SLC4A5: variants seen among roughly 807,000 people sequenced by gnomAD.
SLC4A5 encodes the protein electrogenic sodium bicarbonate cotransporter 4.
In SLC4A5, 96 loss-of-function variants were observed where a neutral mutation model predicts 120.4. That is an observed-to-expected ratio of 0.80 (90% CI 0.68 to 0.94). The LOEUF (loss-of-function observed/expected upper bound fraction) is 0.94, where lower values mean the gene tolerates loss of function less well. Ranked by LOEUF, SLC4A5 falls within the 40% of genes least tolerant of loss-of-function variation. SLC4A5 has a pLI of 0.00. For synonymous variants in SLC4A5, 550 were observed against 571.1 expected (o/e 0.96, Z 0.53); for missense variants, 1,259 against 1,459.5 (o/e 0.86, Z 2.24).
chr2:74,279,457 G>A (rs559560960), intron 8 of SLC4A5, among the ~76,000 whole-genome samples: 9 of 151,906 alleles, frequency 5.9e-5, no homozygotes, highest in East Asian at 3.9e-4. Context: ...AGTCTCTTTC[G>A]TGGGTTCCTC....
chr2:74,320,022 G>A (rs558318521), intron 5 of SLC4A5, among the ~76,000 whole-genome samples: 7 of 152,116 alleles, frequency 4.6e-5, no homozygotes, highest in East Asian at 3.9e-4. Context: ...AGAACTTTTC[G>A]AAATTAAAAA....
At chr2:74,342,822 TG>T (rs1673656080) in intron 1 of SLC4A5, among the ~76,000 whole-genome samples, 1 of 152,128 alleles carries the variant, frequency 6.6e-6, no homozygotes, top group Admixed American at 6.5e-5. Flanking sequence ...AAAGCTTAGT[TG>T]AAGTGTGGAT....
intron 6 of SLC4A5, chr2:74,306,753 TTC>T: frequency 8.9e-7 from 1 of 1,124,418 alleles, no homozygotes; most frequent in Non-Finnish European, 1.3e-6. Flanking sequence ...GGTGTCATTA[TTC>T]TCAGACACCA....
At chr2:74,231,349 G>C (rs763025836) in intron 24 of SLC4A5, 41 bp from the exon 25 acceptor site, 6 of 1,583,520 alleles carry the variant, frequency 3.8e-6, no homozygotes, top group African/African-American at 1.3e-5. Flanking sequence ...ACCAGGAAAT[G>C]CCTGGCAACT....
At chr2:74,233,898 A>T (rs2103920089) in intron 22 of SLC4A5, among the ~76,000 whole-genome samples, 1 of 152,356 alleles carries the variant, frequency 6.6e-6, no homozygotes, top group Non-Finnish European at 1.5e-5. Context: ...AATGAGGCCC[A>T]GCAGAAAAGA....
At chr2:74,222,698 C>T (rs570171890) in intron 29 of SLC4A5, among the ~76,000 whole-genome samples, 170 bp downstream of exon 29, 9 of 152,268 alleles carry the variant, frequency 5.9e-5, no homozygotes, top group East Asian at 3.9e-4. Flanking sequence ...CCTACTGGTC[C>T]GTGGAAAAAC....
rs1204224067 is a variant in SLC4A5 at position 74,219,205 on chromosome 2, GTGTGTGTGTGTGTGTT to G, written c.*34-429_*34-414del. Reference sequence around the variant, plus strand: ...TGTGTGTGTGTGTGTGTGTGTGTGTGTGTGTGTGTGTGTGTTTGTGTGTGTTTTCAAATGGTACTTC... The same window carrying G: ...TGTGTGTGTGTGTGTGTGTGTGTGTGTGTGTGTGTTTTCAAATGGTACTTC... On this transcript the variant is annotated intron_variant, in intron 30 of 30. Transcript: ENST00000394019. Among the ~76,000 whole-genome samples the G allele has an allele frequency of 5.3e-3, 624 of 118,172 alleles. 5 individuals are homozygous for G. The highest frequency in any genetic ancestry group is 0.028 in the African/African-American group (568 of 20,538). 77.5% of individuals were successfully genotyped at this position (118,172 alleles called of 152,430 possible).
In SLC4A5 at chr2:74,255,753, GA is replaced by G. The variant is rs1670944400; in HGVS notation, c.1025+21del. 1 of 1,613,282 alleles carries G rather than the reference GA, an allele frequency of 6.2e-7. No individual in the cohort carries two copies. The highest frequency in any genetic ancestry group is 1.3e-5 in the African/African-American group (1 of 75,028). ...ACTGGCTACCTGAGAGTGGCGTGGG[GA>G]CAGGTTTCAATGGCTCTCACCTGGT... On this transcript the variant is annotated intron_variant, in intron 13 of 30. Transcript: ENST00000394019. The surrounding 1 kb of genome is among the most constrained non-coding windows in gnomAD (Gnocchi z 4.0).
chr2:74,237,707 G>A (rs933374850), intron 21 of SLC4A5, among the ~76,000 whole-genome samples: 2 of 152,056 alleles, frequency 1.3e-5, no homozygotes, highest in Non-Finnish European at 2.9e-5. Flanking sequence ...AAATTCTTCC[G>A]AGTACCCCCC....
intron 17 of SLC4A5, among the ~76,000 whole-genome samples, chr2:74,249,066 T>G (rs1670708798): frequency 2.0e-5 from 3 of 152,214 alleles, no homozygotes; most frequent in Admixed American, 2.0e-4. Context: ...TCCTGTGTAT[T>G]GTAGTGTGTT....
intron 19 of SLC4A5, among the ~76,000 whole-genome samples, chr2:74,242,986 C>T (rs540801248): frequency 6.6e-6 from 1 of 152,252 alleles, no homozygotes; most frequent in East Asian, 1.9e-4. Context: ...TCAGCTAGGC[C>T]TGAAATAACT....
chr2:74,225,190 C>T (rs1694800709), intron 27 of SLC4A5, among the ~76,000 whole-genome samples, 195 bp from the exon 28 acceptor site: 2 of 152,174 alleles, frequency 1.3e-5, no homozygotes, highest in Non-Finnish European at 2.9e-5. Flanking sequence ...TTGTCTGGCC[C>T]CTCAGGTGAG....
chr2:74,335,431 T>C (rs1229769546), intron 3 of SLC4A5, among the ~76,000 whole-genome samples: 3 of 152,190 alleles, frequency 2.0e-5, no homozygotes, highest in Admixed American at 6.5e-5. Context: ...AAGCAAGGGC[T>C]GGCCCCTTCC....
intron 8 of SLC4A5, among the ~76,000 whole-genome samples, chr2:74,279,988 A>T (rs1010929780): frequency 2.0e-5 from 3 of 151,910 alleles, no homozygotes; most frequent in African/African-American, 7.3e-5. Context: ...CCTTTTATCC[A>T]TTCTCCACAC....
At chr2:74,229,580 A>C (rs1465001105) in intron 25 of SLC4A5, among the ~76,000 whole-genome samples, 1 of 152,078 alleles carries the variant, frequency 6.6e-6, no homozygotes, top group Non-Finnish European at 1.5e-5. Flanking sequence ...TAATGCAAAT[A>C]CTTGTATGTT....
At chr2:74,338,506 G>A (rs1321641609) in intron 3 of SLC4A5, among the ~76,000 whole-genome samples, 2 of 152,290 alleles carry the variant, frequency 1.3e-5, no homozygotes, top group South Asian at 2.1e-4. Flanking sequence ...CAGTTTGGCT[G>A]TATTTATATA....
intron 8 of SLC4A5, 26 bp from the exon 9 acceptor site, chr2:74,265,290 T>G (rs769563195): frequency 6.2e-7 from 1 of 1,609,438 alleles, no homozygotes. Flanking sequence ...TGGGGCTCAG[T>G]GTGGCCAGGG....
chr2:74,339,452 AG>A (rs1428746506), intron 2 of SLC4A5: 1 of 152,258 alleles, frequency 6.6e-6, no homozygotes. Context: ...ATTGTTAAGT[AG>A]GAAAAAGGGA....
At chr2:74,304,127 G>T (rs1413060347) in intron 7 of SLC4A5, among the ~76,000 whole-genome samples, 1 of 152,162 alleles carries the variant, frequency 6.6e-6, no homozygotes, top group Non-Finnish European at 1.5e-5. Context: ...GGGATTACAG[G>T]CGTGAGCCAC....
Sources: allele counts gnomAD v4.1 joint callset (sites outside exome capture counted in the v4.1 genomes callset), GRCh38; gene constraint gnomAD v4.1.1; non-coding constraint Gnocchi (gnomAD v3.1); transcripts MANE v1.5; gene names NCBI Gene and HGNC (gene_info 2026-07-23, HGNC 2026-07-21).